Variants in HS6ST3 observed in about 807,000 individuals in gnomAD.
HS6ST3 encodes heparan-sulfate 6-O-sulfotransferase 3.
HS6ST3 carries 12 observed loss-of-function variants against 36.7 expected under a neutral mutation model. The ratio of observed to expected loss-of-function variants is 0.33; its 90% CI spans 0.21 to 0.53. The LOEUF is 0.53. HS6ST3 is among the 20% of genes least tolerant of loss of function. HS6ST3 has a pLI of 0.95. For missense variants in HS6ST3, 584 were observed against 640.9 expected (o/e 0.91, Z 0.96); for synonymous variants, 240 against 257.5 (o/e 0.93, Z 0.65).
intron 1 of HS6ST3, among the ~76,000 whole-genome samples, chr13:96,379,665 C>T (rs1027113182): frequency 8.5e-5 from 13 of 152,216 alleles, no homozygotes; most frequent in African/African-American, 2.2e-4. Flanking sequence ...GATCTTTACC[C>T]GATAAAAATG....
intron 1 of HS6ST3, among the ~76,000 whole-genome samples, chr13:96,487,742 C>A (rs1380767632): frequency 1.3e-5 from 2 of 152,126 alleles, no homozygotes; most frequent in Non-Finnish European, 2.9e-5. Context: ...AATAATTAGA[C>A]CCTGATTCAC....
At chr13:96,144,329 A>T (rs565702285) in intron 1 of HS6ST3, among the ~76,000 whole-genome samples, 46 of 152,302 alleles carry the variant, frequency 3.0e-4, no homozygotes, top group African/African-American at 1.0e-3. Flanking sequence ...GTTATTAGAA[A>T]TGTCAGCTTC....
intron 1 of HS6ST3, among the ~76,000 whole-genome samples, chr13:96,122,035 C>T (rs973423494): frequency 6.6e-6 from 1 of 151,870 alleles, no homozygotes; most frequent in African/African-American, 2.4e-5. Flanking sequence ...AATTTAGACG[C>T]AATTCCTCTG....
At chr13:96,754,802 A>G (rs969949097) in intron 1 of HS6ST3, among the ~76,000 whole-genome samples, 1 of 152,250 alleles carries the variant, frequency 6.6e-6, no homozygotes, top group Middle Eastern at 3.4e-3. Context: ...TTTAATTTCA[A>G]TAAAGTAGTC....
At chr13:96,198,731 A>G (rs7325654) in intron 1 of HS6ST3, among the ~76,000 whole-genome samples, 76,010 of 152,004 alleles carry the variant, frequency 0.5, 19,163 homozygotes, top group Admixed American at 0.59. Flanking sequence ...CCATATTGCT[A>G]TCAGCATTTT....
chr13:96,361,412 A>G (rs2055238086), intron 1 of HS6ST3, among the ~76,000 whole-genome samples: 3 of 152,210 alleles, frequency 2.0e-5, no homozygotes, highest in Non-Finnish European at 4.4e-5. Context: ...GAAGTTTTAA[A>G]AGACTAATTT....
chr13:96,705,101 A>C lies in HS6ST3; in HGVS notation c.708-127389A>C, dbSNP rs138733494. 6.4e-4 allele frequency among the ~76,000 whole-genome samples: 97 copies of C among 152,250 alleles called. No individual in the cohort carries two copies. The East Asian group carries it at 0.019, about 29-fold the overall frequency. ...CCCATCACAGTGGTGCATTTGCTAC[A>C]GCTGATGAGCCTACACTGACACATT... On this transcript the variant is annotated intron_variant, in intron 1 of 1. Transcript: ENST00000376705.
At chr13:96,535,464 AG>A (rs1360785343) in intron 1 of HS6ST3, among the ~76,000 whole-genome samples, 1 of 151,332 alleles carries the variant, frequency 6.6e-6, no homozygotes, top group Non-Finnish European at 1.5e-5. Context: ...AGGCTGAGGC[AG>A]GAGAATCTCT....
intron 1 of HS6ST3, among the ~76,000 whole-genome samples, chr13:96,347,295 T>A (rs2055160607): frequency 6.6e-6 from 1 of 152,216 alleles, no homozygotes; most frequent in South Asian, 2.1e-4. Context: ...ATCCATTCTG[T>A]CATGAAACAT....
intron 1 of HS6ST3, among the ~76,000 whole-genome samples, chr13:96,511,786 G>A (rs952027895): frequency 1.3e-5 from 2 of 152,068 alleles, no homozygotes; most frequent in Admixed American, 1.3e-4. Flanking sequence ...CGTTTAAGAA[G>A]TCCTTCTGCA....
At chr13:96,729,948 C>A (rs565268911) in intron 1 of HS6ST3, among the ~76,000 whole-genome samples, 2 of 152,322 alleles carry the variant, frequency 1.3e-5, no homozygotes, top group East Asian at 3.9e-4. Context: ...TTACTGACTT[C>A]TCTCACCTCT....
At chr13:96,276,418 G>A (rs1413560634) in intron 1 of HS6ST3, among the ~76,000 whole-genome samples, 1 of 152,092 alleles carries the variant, frequency 6.6e-6, no homozygotes, top group Non-Finnish European at 1.5e-5. Context: ...TTTTGAGCAA[G>A]TCCCCAAACC....
intron 1 of HS6ST3, among the ~76,000 whole-genome samples, chr13:96,517,461 G>A (rs551010599): frequency 5.9e-5 from 9 of 152,326 alleles, no homozygotes; most frequent in East Asian, 1.9e-4. Context: ...GAGATGGGGG[G>A]AGAGGGCAGA....
At chr13:96,480,365 C>T (rs1220036291) in intron 1 of HS6ST3, among the ~76,000 whole-genome samples, 2 of 152,066 alleles carry the variant, frequency 1.3e-5, no homozygotes, top group Non-Finnish European at 2.9e-5. Context: ...CTGCCCGCCT[C>T]GACCTTCCAA....
intron 1 of HS6ST3, among the ~76,000 whole-genome samples, chr13:96,594,374 G>A (rs764979763): frequency 2.0e-5 from 3 of 151,860 alleles, no homozygotes; most frequent in Non-Finnish European, 4.4e-5. Context: ...TAGTTGTTTT[G>A]TAGATCTTCT....
intron 1 of HS6ST3, among the ~76,000 whole-genome samples, chr13:96,567,943 C>T (rs145901782): frequency 5.3e-5 from 8 of 152,248 alleles, no homozygotes; most frequent in Admixed American, 1.3e-4. Context: ...TCTCACCCAC[C>T]AGATTGGTGA....
At chr13:96,760,781 A>G (rs1432902859) in intron 1 of HS6ST3, among the ~76,000 whole-genome samples, 1 of 152,002 alleles carries the variant, frequency 6.6e-6, no homozygotes, top group East Asian at 1.9e-4. Flanking sequence ...TTGTTCAATT[A>G]TTTTATTTTT....
At chr13:96,139,567 A>AAAAAAAAAAAAAAAAAAAACAAAAAT (rs1491242538) in intron 1 of HS6ST3, among the ~76,000 whole-genome samples, 1 of 138,696 alleles carries the variant, frequency 7.2e-6, no homozygotes, top group African/African-American at 2.8e-5. Flanking sequence ...AAAAAAAAAA[A>AAAAAAAAAAAAAAAAAAAACAAAAAT]TCCATGTATA....
intron 1 of HS6ST3, among the ~76,000 whole-genome samples, chr13:96,258,743 A>T (rs1161804858): frequency 6.6e-6 from 1 of 152,222 alleles, no homozygotes; most frequent in East Asian, 1.9e-4. Flanking sequence ...TTTATTCATT[A>T]TCTAATGAAT....
Sources: allele counts gnomAD v4.1 joint callset (sites outside exome capture counted in the v4.1 genomes callset), GRCh38; gene constraint gnomAD v4.1.1; transcripts MANE v1.5; gene names NCBI Gene and HGNC (gene_info 2026-07-23, HGNC 2026-07-21).